Variants in BMP1 observed in about 807,000 individuals in gnomAD.
BMP1 encodes the protein mammalian tolloid protein.
A neutral mutation model predicts 116.8 loss-of-function variants in BMP1; 63 were observed. That is an observed-to-expected ratio of 0.54 (90% CI 0.44 to 0.67). The LOEUF is 0.67. Among genes scored for constraint, BMP1 ranks in the 30% least tolerant of loss-of-function variants. The pLI, the probability that BMP1 is intolerant of heterozygous loss-of-function variation, is 0.00. For synonymous variants in BMP1, 536 were observed against 533.4 expected, an observed-to-expected ratio of 1.00 and a Z score of -0.07; for missense variants, 1,183 against 1,358.9, an observed-to-expected ratio of 0.87 and a Z score of 2.04.
intron 7 of BMP1, among the ~76,000 whole-genome samples, chr8:22,180,067 G>T (rs1486277045): frequency 2.0e-5 from 3 of 152,128 alleles, no homozygotes; most frequent in Non-Finnish European, 4.4e-5. Flanking sequence ...GCGGAAGTGG[G>T]GAGAACAGCA....
intron 8 of BMP1, among the ~76,000 whole-genome samples, chr8:22,188,847 G>T (rs1043484979): frequency 6.6e-6 from 1 of 152,182 alleles, no homozygotes; most frequent in Non-Finnish European, 1.5e-5. Flanking sequence ...CAGAGCCAAG[G>T]CTGCTTCTAA....
At chr8:22,195,701 CAGTGG>C in intron 13 of BMP1, 114 bp downstream of exon 13, 1 of 1,439,948 alleles carries the variant, frequency 6.9e-7, no homozygotes, top group Non-Finnish European at 9.3e-7. Context: ...GCTGGAAGTA[CAGTGG>C]CTCAATCTTA....
At chr8:22,202,835 C>T (rs951330033) in intron 16 of BMP1, among the ~76,000 whole-genome samples, 2 of 151,906 alleles carry the variant, frequency 1.3e-5, no homozygotes, top group Non-Finnish European at 2.9e-5. Context: ...ATGGCGAAAC[C>T]CCATCTCTAC....
At chr8:22,167,510 G>C (rs975986097) in intron 1 of BMP1, among the ~76,000 whole-genome samples, 2 of 152,146 alleles carry the variant, frequency 1.3e-5, no homozygotes, top group Non-Finnish European at 1.5e-5. Context: ...CTTAAAGAAT[G>C]GGTGGGAAGC....
intron 8 of BMP1, among the ~76,000 whole-genome samples, chr8:22,184,726 G>C (rs1172272994): frequency 4.6e-5 from 7 of 152,200 alleles, no homozygotes; most frequent in Non-Finnish European, 1.0e-4. Context: ...TATCCCTACT[G>C]TACAGCCAAG....
chr8:22,183,762 A>G (rs1828690639), intron 8 of BMP1, among the ~76,000 whole-genome samples: 1 of 152,054 alleles, frequency 6.6e-6, no homozygotes, highest in African/African-American at 2.4e-5. Flanking sequence ...TTTTTAGTAG[A>G]GACGGGTTTC....
chr8:22,210,770 T>G (rs1829450255), intron 19 of BMP1, among the ~76,000 whole-genome samples: 2 of 152,174 alleles, frequency 1.3e-5, no homozygotes, highest in Admixed American at 6.5e-5. Flanking sequence ...CCTCCCCTCT[T>G]TGCTCTTTCT....
At chr8:22,204,304 T>C (rs1360436028) in intron 16 of BMP1, among the ~76,000 whole-genome samples, 1 of 152,114 alleles carries the variant, frequency 6.6e-6, no homozygotes, top group Non-Finnish European at 1.5e-5. Context: ...GAGGGCCCTG[T>C]TTTCCGGGCC....
Position 22,197,326 on chromosome 8 carries a change from C to T in BMP1, c.2013C>T (p.Pro671=). 1 of 1,614,016 alleles carries T rather than the reference C, an allele frequency of 6.2e-7. No individual in the cohort carries two copies. Among genetic ancestry groups the T allele is most frequent in the Non-Finnish European group, 8.5e-7 (1 of 1,179,926 alleles). The change falls in exon 15 of 20, where the codon CCC becomes CCT. Residue 671 remains proline, a synonymous_variant. Transcript: ENST00000306385. ...LHGKFCGSEK[P]EVITSQYNNM... ...GCAAGTTCTGTGGTTCTGAGAAGCC[C>T]GAGGTCATCACCTCCCAGTACAACA... is the stretch of plus-strand genomic sequence containing the variant.
At position 22,176,576 on chromosome 8, in the gene BMP1, G is replaced by A. The variant is rs1828442346; in HGVS notation, c.477G>A (p.Glu159=). The change falls in exon 4 of 20, where the codon GAG becomes GAA. Residue 159 remains glutamate, a synonymous_variant. Transcript: ENST00000306385. ...TCCGGCAGGCCATGAGGCACTGGGA[G>A]AAGCACACCTGTGTCACCTTCCTGG... ...AVFRQAMRHW[E]KHTCVTFLER... The A allele has an allele frequency of 3.1e-6, 5 of 1,614,104 alleles. No individual in the cohort carries two copies. The highest frequency in any genetic ancestry group is 4.2e-6 in the Non-Finnish European group (5 of 1,180,026).
chr8:22,188,621 G>A (rs1294191349), intron 8 of BMP1, among the ~76,000 whole-genome samples: 1 of 152,218 alleles, frequency 6.6e-6, no homozygotes, highest in African/African-American at 2.4e-5. Flanking sequence ...CACGACAGAA[G>A]CCAGTACAAC....
Position 22,194,196 on chromosome 8 carries a change from G to A in BMP1, c.1297+22G>A, listed in dbSNP as rs201788097. 7.6e-5 allele frequency: 122 copies of A among 1,605,656 alleles called. No individual in the cohort carries two copies. The highest frequency in any genetic ancestry group is 9.6e-5 in the Non-Finnish European group (113 of 1,172,260). On this transcript the variant is annotated intron_variant, in intron 10 of 19. Transcript: ENST00000306385. The surrounding 1 kb of genome is among the most constrained non-coding windows in gnomAD (Gnocchi z 4.5). ...GAAGGTACTGAGGAAGGCGGCGGGC[G>A]GGAGGAGTCAGATAGGAGGTCTCTG...
chr8:22,180,308 G>A (rs1317240577), intron 7 of BMP1, 60 bp from the exon 8 acceptor site: 14 of 1,401,820 alleles, frequency 1.0e-5, no homozygotes, highest in Non-Finnish European at 1.2e-5. Context: ...GGGTGGGTGA[G>A]CCAGAAGATG....
Position 22,206,950 on chromosome 8 carries a change from T to C in BMP1, c.2330T>C (p.Ile777Thr), listed in dbSNP as rs1829370870. Residue 777 changes from isoleucine to threonine, a missense_variant, in exon 17 of 20, where the codon ATC (isoleucine) becomes ACC (threonine). Around this residue, in one of 4 missense-constraint regions of BMP1, gnomAD observed 956 missense variants for 1,135.2 expected, o/e 0.84. Transcript: ENST00000306385. ...AGCAAGAAGGAGTGCACGTGGGCCA[T>C]CTCCAGCACCCCCGGGCACCGGGTC... is the stretch of plus-strand genomic sequence containing the variant. ...YPSKKECTWA[I>T]SSTPGHRVKL... is the part of the protein sequence containing the mutation. 6.2e-7 allele frequency: 1 copy of C among 1,614,136 alleles called. No individual in the cohort carries two copies. Among genetic ancestry groups the C allele is most frequent in the African/African-American group, 1.3e-5 (1 of 75,042 alleles).
rs28362095 is a variant in BMP1, at chr8:22,192,156, C to T, written c.1180+5C>T. The stretch of plus-strand genomic sequence containing the variant: ...GGAGGAAGGCGCCCCTCCGAGGTAA[C>T]GGCACCAGCCACCCCCTGCCCCCTC... On this transcript the variant is annotated splice_donor_5th_base_variant and intron_variant, in intron 9 of 19. Coordinates refer to ENST00000306385, the MANE Select transcript of BMP1 (RefSeq NM_006129.5). 9.2e-4 allele frequency: 1,480 copies of T among 1,609,854 alleles called. 10 individuals carry two copies. The African/African-American group carries it at 0.017, about 18-fold the overall frequency.
At chr8:22,192,935 C>T in intron 9 of BMP1, among the ~76,000 whole-genome samples, 1 of 152,322 alleles carries the variant, frequency 6.6e-6, no homozygotes, top group Admixed American at 6.5e-5. Flanking sequence ...ATATTGCTAA[C>T]CTCTATTTTC....
At chr8:22,201,329 C>G (rs904340601) in intron 15 of BMP1, 1 of 1,502,240 alleles carries the variant, frequency 6.7e-7, no homozygotes, top group African/African-American at 1.4e-5. Context: ...TCCCTCTGGC[C>G]GGACAGAACT....
At chr8:22,171,629 G>C (rs1474620179) in intron 1 of BMP1, 1 of 152,196 alleles carries the variant, frequency 6.6e-6, no homozygotes, top group Non-Finnish European at 1.5e-5. Context: ...ATTTACAGTA[G>C]GGGTTCTAGA....
chr8:22,194,010 G>A lies in BMP1; in HGVS notation c.1181-48G>A, dbSNP rs767278441. 1.5e-5 allele frequency: 22 copies of A among 1,511,686 alleles called. No homozygotes were observed. The South Asian group carries it at 2.0e-4, about 14-fold the overall frequency. The allele number at this position is 1,511,686 out of a possible 1,614,324, so 93.6% of individuals were successfully genotyped here. A position where few individuals can be genotyped will look rare whatever the true frequency, so the allele number is the denominator to read the frequency against. ...TCCTGGAGAGGTGGGGCCTCTATAG[G>A]GGGTGTCCTCAGGGTTCACCACTCT... On this transcript the variant is annotated intron_variant, in intron 9 of 19. Coordinates refer to ENST00000306385, the MANE Select transcript of BMP1 (RefSeq NM_006129.5). This position sits in a 1 kb window ranked among gnomAD's most constrained non-coding sequence, Gnocchi z 4.5.
Sources: gnomAD v4.1 joint callset for allele counts (sites outside exome capture counted in the v4.1 genomes callset) on GRCh38, gnomAD v4.1.1 for gene constraint, gnomAD v4.1.1 regional missense constraint, Gnocchi (gnomAD v3.1) non-coding constraint, MANE v1.5 for transcripts, NCBI Gene and HGNC (gene_info 2026-07-23, HGNC 2026-07-21) for gene names.